Variants in MAGI2 observed in about 807,000 individuals in gnomAD.
The protein encoded by MAGI2 is membrane associated guanylate kinase, WW and PDZ domain containing 2, also known as membrane-associated guanylate kinase, WW and PDZ domain-containing protein 2.
MAGI2 carries 35 observed loss-of-function variants against 133.3 expected under a neutral mutation model. The observed-to-expected ratio is 0.26, with a 90% confidence interval of 0.20 to 0.35. The LOEUF (loss-of-function observed/expected upper bound fraction) is 0.35. MAGI2 is among the 10% of genes least tolerant of loss of function. The pLI is 1.00. For synonymous variants in MAGI2, 729 were observed against 710.6 expected, an observed-to-expected ratio of 1.03 and a Z score of -0.41; for missense variants, 1,636 against 1,863.4, an observed-to-expected ratio of 0.88 and a Z score of 2.25.
intron 1 of MAGI2, among the ~76,000 whole-genome samples, chr7:79,191,392 C>CTTTTTCTTTCTTTT (rs1827643600): frequency 2.2e-5 from 1 of 45,732 alleles, no homozygotes; most frequent in African/African-American, 7.6e-5. Context: ...TTTTCTTTTT[C>CTTTTTCTTTCTTTT]TTTTTCTTTC....
At chr7:79,223,444 C>T (rs1830611763) in intron 1 of MAGI2, among the ~76,000 whole-genome samples, 1 of 151,908 alleles carries the variant, frequency 6.6e-6, no homozygotes, top group African/African-American at 2.4e-5. Context: ...CACTGACCAC[C>T]AGAAATACTC....
intron 6 of MAGI2, among the ~76,000 whole-genome samples, chr7:78,447,430 C>T (rs1360636786): frequency 6.7e-6 from 1 of 150,220 alleles, no homozygotes; most frequent in Non-Finnish European, 1.5e-5. Flanking sequence ...GATAATTTTA[C>T]TAATCCTCTG....
intron 2 of MAGI2, among the ~76,000 whole-genome samples, chr7:78,951,319 C>T (rs1368977498): frequency 6.6e-6 from 1 of 152,072 alleles, no homozygotes; most frequent in African/African-American, 2.4e-5. Context: ...TCAAATGCTG[C>T]TATGAAGAAA....
intron 1 of MAGI2, among the ~76,000 whole-genome samples, chr7:79,278,172 G>T (rs1018130742): frequency 1.3e-5 from 2 of 152,118 alleles, no homozygotes; most frequent in African/African-American, 4.8e-5. Flanking sequence ...GTTCATGTGA[G>T]ATCTGGTTGC....
intron 21 of MAGI2, among the ~76,000 whole-genome samples, chr7:78,041,938 C>T (rs1052105562): frequency 2.0e-5 from 3 of 152,138 alleles, no homozygotes; most frequent in African/African-American, 7.2e-5. Context: ...TGGGACCCCC[C>T]ACAACCCGCC....
chr7:78,536,949 T>G (rs1798003413), intron 3 of MAGI2, among the ~76,000 whole-genome samples: 1 of 152,110 alleles, frequency 6.6e-6, no homozygotes, highest in African/African-American at 2.4e-5. Context: ...TAGTCTTTTA[T>G]CCCTTGCTCC....
intron 10 of MAGI2, among the ~76,000 whole-genome samples, chr7:78,212,522 C>T (rs746400112): frequency 2.0e-5 from 3 of 152,184 alleles, no homozygotes; most frequent in East Asian, 1.9e-4. Context: ...GGATTCTCTT[C>T]TAACAACTAC....
chr7:79,346,021 A>T (rs1841287831), intron 1 of MAGI2, among the ~76,000 whole-genome samples: 1 of 152,102 alleles, frequency 6.6e-6, no homozygotes, highest in African/African-American at 2.4e-5. Flanking sequence ...TTCTCTTCTT[A>T]AAATTACATT....
At chr7:78,784,765 T>C (rs1457234528) in intron 2 of MAGI2, among the ~76,000 whole-genome samples, 1 of 152,190 alleles carries the variant, frequency 6.6e-6, no homozygotes, top group African/African-American at 2.4e-5. Context: ...TCTCTGTATA[T>C]TTGGGTCTTT....
chr7:79,122,977 T>A (rs536175972), intron 1 of MAGI2, among the ~76,000 whole-genome samples: 1 of 152,094 alleles, frequency 6.6e-6, no homozygotes, highest in Non-Finnish European at 1.5e-5. Flanking sequence ...AAAAAAGAGA[T>A]AGGAGAGAGA....
chr7:79,275,378 A>C (rs1334689776), intron 1 of MAGI2, among the ~76,000 whole-genome samples: 1 of 152,218 alleles, frequency 6.6e-6, no homozygotes, highest in Non-Finnish European at 1.5e-5. Flanking sequence ...GCCAAAGCCT[A>C]ATCCAGAGCA....
intron 2 of MAGI2, among the ~76,000 whole-genome samples, chr7:78,631,690 A>G (rs1181892570): frequency 2.6e-5 from 4 of 152,138 alleles, no homozygotes; most frequent in Non-Finnish European, 5.9e-5. Context: ...ATAATGTAAG[A>G]ATTTTCTGTT....
At chr7:79,182,837 G>A (rs1406066747) in intron 1 of MAGI2, among the ~76,000 whole-genome samples, 1 of 151,898 alleles carries the variant, frequency 6.6e-6, no homozygotes, top group African/African-American at 2.4e-5. Flanking sequence ...TAAAGAAAAT[G>A]TGGTATATAT....
At chr7:78,191,170 T>A (rs1401351404) in intron 12 of MAGI2, among the ~76,000 whole-genome samples, 1 of 152,172 alleles carries the variant, frequency 6.6e-6, no homozygotes, top group Non-Finnish European at 1.5e-5. Context: ...GGCAGAGTTA[T>A]ACTTTTATAT....
At position 78,256,155 on chromosome 7, in the gene MAGI2, G is replaced by A. The variant is rs767352798; in HGVS notation, c.1835C>T (p.Ala612Val). 9.3e-6 allele frequency: 15 copies of A among 1,613,890 alleles called. No individual in the cohort carries two copies. The highest frequency in any genetic ancestry group is 1.1e-5 in the Non-Finnish European group (13 of 1,179,960). Residue 612 changes from alanine to valine, a missense_variant, in exon 10 of 22, where the codon GCC (alanine) becomes GTC (valine). By Grantham distance (64) the Ala-to-Val change is moderately conservative. This residue lies in a region of MAGI2 where 920 missense variants were observed against 1,093.5 expected (regional missense o/e 0.84). Transcript: ENST00000354212. ...ELMTLTIVKG[A>V]QGFGFTIADS... Reference sequence around the variant, plus strand: ...GGCAATAGTGAAGCCGAAGCCCTGGGCACCTTTCACAATGGTTAAGGTCAT... The same window carrying A: ...GGCAATAGTGAAGCCGAAGCCCTGGACACCTTTCACAATGGTTAAGGTCAT...
intron 1 of MAGI2, among the ~76,000 whole-genome samples, chr7:79,431,731 A>G (rs1016948128): frequency 6.6e-6 from 1 of 152,202 alleles, no homozygotes; most frequent in Non-Finnish European, 1.5e-5. Context: ...GAAAACGGAA[A>G]CTGAACCAGG....
Position 78,612,612 on chromosome 7 carries a change from T to G in MAGI2, c.538+14508A>C, listed in dbSNP as rs17151152. ...AATGACAAGGGAGGCCTGGTCTCAT[T>G]AACGGAATAAGGATCTGAAGATTAA... On this transcript the variant is annotated intron_variant, in intron 3 of 21. Coordinates refer to ENST00000354212, the MANE Select transcript of MAGI2 (RefSeq NM_012301.4). Among the ~76,000 whole-genome samples, 1,215 of 152,226 alleles carry G rather than the reference T, an allele frequency of 8.0e-3. 18 individuals carry two copies. The highest frequency in any genetic ancestry group is 0.027 in the African/African-American group (1,140 of 41,538).
At chr7:78,985,920 G>A (rs1485471368) in intron 2 of MAGI2, among the ~76,000 whole-genome samples, 14 of 152,048 alleles carry the variant, frequency 9.2e-5, no homozygotes. Context: ...TGTTAATTCA[G>A]TGAAAATATT....
intron 2 of MAGI2, among the ~76,000 whole-genome samples, chr7:78,742,163 A>G (rs969155201): frequency 2.6e-5 from 4 of 152,104 alleles, no homozygotes; most frequent in Non-Finnish European, 4.4e-5. Flanking sequence ...CATAATATAA[A>G]AACAAGCCTT....
Sources: gnomAD v4.1 joint callset for allele counts (sites outside exome capture counted in the v4.1 genomes callset) on GRCh38, gnomAD v4.1.1 for gene constraint, gnomAD v4.1.1 regional missense constraint, MANE v1.5 for transcripts, NCBI Gene and HGNC (gene_info 2026-07-23, HGNC 2026-07-21) for gene names.